PLCB1: variants seen among roughly 807,000 people sequenced by gnomAD.
PLCB1 encodes 1-phosphatidylinositol 4,5-bisphosphate phosphodiesterase beta-1.
In PLCB1, 46 loss-of-function variants were observed where a neutral mutation model predicts 161.8. The ratio of observed to expected loss-of-function variants is 0.28; its 90% CI spans 0.22 to 0.36. The LOEUF (loss-of-function observed/expected upper bound fraction) is 0.36. PLCB1 is among the 10% of genes least tolerant of loss of function. The pLI, the probability that PLCB1 is intolerant of heterozygous loss-of-function variation, is 1.00. For missense variants in PLCB1, 1,016 were observed against 1,472.5 expected, an observed-to-expected ratio of 0.69 and a Z score of 5.07; for synonymous variants, 517 against 503.7, an observed-to-expected ratio of 1.03 and a Z score of -0.35.
At position 8,855,024 on chromosome 20, in the gene PLCB1, C is replaced by T. The variant is rs139729207; in HGVS notation, c.3424-26598C>T. ...GAGGGGAAATTTTAAACGATGTATGCACAATGAATTTAAAATTTCTCTCTG... is the reference window on the plus strand; with the variant it reads ...GAGGGGAAATTTTAAACGATGTATGTACAATGAATTTAAAATTTCTCTCTG... On this transcript the variant is annotated intron_variant, in intron 31 of 31. Coordinates refer to ENST00000338037, the MANE Select transcript of PLCB1 (RefSeq NM_015192.4). Among the ~76,000 whole-genome samples, 622 of 152,230 alleles carry T rather than the reference C, an allele frequency of 4.1e-3. 1 individual carries two copies. The highest frequency in any genetic ancestry group is 6.3e-3 in the Non-Finnish European group (429 of 68,016).
In PLCB1 at chr20:8,789,406, A is replaced by C. The variant is rs1197427993; in HGVS notation, c.3279-112A>C. 2 of 767,836 alleles carry C rather than the reference A, an allele frequency of 2.6e-6. 1 individual carries two copies. Among genetic ancestry groups the C allele is most frequent in the African/African-American group, 3.5e-5 (2 of 57,154 alleles). The allele number at this position is 767,836 out of a possible 1,614,324, so 47.6% of individuals were successfully genotyped here. A position where few individuals can be genotyped will look rare whatever the true frequency, so the allele number is the denominator to read the frequency against. ...ATAAATAAATAGATAAAAATAAGGA[A>C]AAAAGAAAAAGAATGTTGAGAGTTC... On this transcript the variant is annotated intron_variant, in intron 29 of 31. Transcript: ENST00000338037.
At chr20:8,523,035 C>A (rs1984413305) in intron 3 of PLCB1, among the ~76,000 whole-genome samples, 1 of 152,010 alleles carries the variant, frequency 6.6e-6, no homozygotes, top group South Asian at 2.1e-4. Context: ...ATTCGTGGTC[C>A]TCAATGGAAT....
At chr20:8,701,210 C>G (rs1990695979) in intron 11 of PLCB1, among the ~76,000 whole-genome samples, 1 of 152,128 alleles carries the variant, frequency 6.6e-6, no homozygotes, top group South Asian at 2.1e-4. Flanking sequence ...AGAAACAGGG[C>G]ACAAGGCCCT....
At chr20:8,377,395 G>A (rs1275661680) in intron 3 of PLCB1, among the ~76,000 whole-genome samples, 1 of 152,158 alleles carries the variant, frequency 6.6e-6, no homozygotes, top group Admixed American at 6.5e-5. Flanking sequence ...AAATGACTTG[G>A]GCTTTTCTTC....
intron 2 of PLCB1, among the ~76,000 whole-genome samples, chr20:8,193,156 C>T (rs1370260768): frequency 1.3e-5 from 2 of 151,972 alleles, no homozygotes; most frequent in Admixed American, 6.6e-5. Flanking sequence ...AAAATAGGCA[C>T]ATTCACATAT....
intron 3 of PLCB1, among the ~76,000 whole-genome samples, chr20:8,504,584 C>G (rs1256730582): frequency 2.0e-5 from 3 of 152,128 alleles, no homozygotes; most frequent in Admixed American, 6.6e-5. Context: ...CCTGCCCCAA[C>G]TTCCTCCTCT....
intron 2 of PLCB1, among the ~76,000 whole-genome samples, chr20:8,246,663 A>T (rs1980895130): frequency 1.3e-5 from 2 of 152,098 alleles, no homozygotes; most frequent in Non-Finnish European, 2.9e-5. Context: ...AAATTTTCTT[A>T]CTACCTTATT....
intron 3 of PLCB1, among the ~76,000 whole-genome samples, chr20:8,405,273 C>T (rs1009113903): frequency 5.3e-5 from 8 of 152,046 alleles, no homozygotes. Context: ...CTAGAGTTGT[C>T]CCTACTCATC....
At chr20:8,258,088 T>G (rs112661449) in intron 2 of PLCB1, among the ~76,000 whole-genome samples, 2 of 152,198 alleles carry the variant, frequency 1.3e-5, no homozygotes, top group African/African-American at 4.8e-5. Context: ...CCACATGTTT[T>G]TCTAAATACA....
chr20:8,317,079 G>C (rs1215495453), intron 2 of PLCB1, among the ~76,000 whole-genome samples: 1 of 152,124 alleles, frequency 6.6e-6, no homozygotes, highest in East Asian at 1.9e-4. Flanking sequence ...ATGAATGAAT[G>C]AGTGAATGAA....
chr20:8,234,863 T>A (rs949316287), intron 2 of PLCB1, among the ~76,000 whole-genome samples: 11 of 152,120 alleles, frequency 7.2e-5, no homozygotes. Context: ...ATGCTAACTG[T>A]CACCCGGAAT....
At chr20:8,219,362 G>A (rs1004780033) in intron 2 of PLCB1, among the ~76,000 whole-genome samples, 1 of 152,166 alleles carries the variant, frequency 6.6e-6, no homozygotes, top group Admixed American at 6.6e-5. Flanking sequence ...TAGTGGCAAT[G>A]TTGGGACTGC....
At chr20:8,133,908 G>A (rs1240272577) in intron 1 of PLCB1, among the ~76,000 whole-genome samples, 1 of 152,096 alleles carries the variant, frequency 6.6e-6, no homozygotes, top group Non-Finnish European at 1.5e-5. Context: ...ATCTTCTTAA[G>A]CCATTTTCCA....
At chr20:8,513,729 G>T (rs1983989322) in intron 3 of PLCB1, among the ~76,000 whole-genome samples, 1 of 152,184 alleles carries the variant, frequency 6.6e-6, no homozygotes, top group Non-Finnish European at 1.5e-5. Flanking sequence ...AACAAAAGTG[G>T]TCAGGTGCAG....
intron 2 of PLCB1, among the ~76,000 whole-genome samples, chr20:8,235,588 T>C (rs1007460207): frequency 6.6e-6 from 1 of 152,084 alleles, no homozygotes; most frequent in African/African-American, 2.4e-5. Flanking sequence ...TGTCTCTAAA[T>C]TGGGAGAGAG....
Position 8,882,064 on chromosome 20 carries a change from A to G in PLCB1, c.*215A>G. On this transcript the variant is annotated 3_prime_UTR_variant, in exon 32 of 32. Coordinates refer to ENST00000338037, the MANE Select transcript of PLCB1 (RefSeq NM_015192.4). Reference sequence around the variant, plus strand: ...ACCTCCACAGGTCTGCTAGTGAAGAATGCATGTATGTGAGATTTTTGTTTT... The same window carrying G: ...ACCTCCACAGGTCTGCTAGTGAAGAGTGCATGTATGTGAGATTTTTGTTTT... The G allele has an allele frequency of 2.0e-6, 1 of 505,992 alleles. No homozygotes were observed. The highest frequency in any genetic ancestry group is 3.2e-5 in the South Asian group (1 of 31,518). 31.3% of individuals were successfully genotyped at this position (505,992 alleles called of 1,614,324 possible). A position where few individuals can be genotyped will look rare whatever the true frequency, so the allele number is the denominator to read the frequency against.
chr20:8,840,375 G>C (rs1986452687), intron 31 of PLCB1, among the ~76,000 whole-genome samples: 1 of 152,226 alleles, frequency 6.6e-6, no homozygotes, highest in African/African-American at 2.4e-5. Flanking sequence ...GATGAGACAA[G>C]GGCTAGACTG....
intron 10 of PLCB1, among the ~76,000 whole-genome samples, chr20:8,696,710 C>T (rs1400587623): frequency 1.3e-5 from 2 of 151,952 alleles, no homozygotes. Context: ...GTTTTGCGAT[C>T]CTTTGTTTAA....
chr20:8,159,352 C>G (rs2051596675), intron 2 of PLCB1, among the ~76,000 whole-genome samples: 2 of 152,070 alleles, frequency 1.3e-5, no homozygotes, highest in Admixed American at 6.6e-5. Context: ...ATGTAGGGCA[C>G]CAAGTCCCTA....
Sources: gnomAD v4.1 joint callset for allele counts (sites outside exome capture counted in the v4.1 genomes callset) on GRCh38, gnomAD v4.1.1 for gene constraint, MANE v1.5 for transcripts, NCBI Gene and HGNC (gene_info 2026-07-23, HGNC 2026-07-21) for gene names.